Variants in HDAC1 observed in about 807,000 individuals in gnomAD.
HDAC1 encodes the protein protein deacetylase HDAC1.
A neutral mutation model predicts 65.5 loss-of-function variants in HDAC1; 18 were observed. The observed-to-expected ratio is 0.27, with a 90% CI of 0.19 to 0.41. The LOEUF (loss-of-function observed/expected upper bound fraction) is 0.41, where lower values mean the gene tolerates loss of function less well. HDAC1 is among the 10% of genes least tolerant of loss of function. HDAC1 has a pLI of 1.00. For missense variants in HDAC1, 373 were observed against 625.2 expected (o/e 0.60, Z 4.30); for synonymous variants, 211 against 227.9 (o/e 0.93, Z 0.67).
intron 4 of HDAC1, 120 bp downstream of exon 4, chr1:32,324,673 C>T (rs1157561969): frequency 2.7e-6 from 2 of 738,764 alleles, no homozygotes; most frequent in East Asian, 4.9e-5. Context: ...GTGGTTTTTA[C>T]TGAAGTCTCT....
rs1438635854 is a variant in HDAC1 at position 32,316,752 on chromosome 1, A to G, written c.250A>G (p.Met84Val). The change falls in exon 3 of 14, where the codon ATG becomes GTG. Residue 84 changes from methionine to valine, a missense_variant. Around this residue, in one of 4 missense-constraint regions of HDAC1, gnomAD observed 80 missense variants for 126.3 expected, o/e 0.63. Transcript: ENST00000373548. ...CTTGCGCTCCATCCGTCCAGATAAC[A>G]TGTCGGAGTACAGCAAGCAGATGCA... ...KFLRSIRPDN[M>V]SEYSKQMQRF... 6.2e-7 allele frequency: 1 copy of G among 1,611,980 alleles called. No individual in the cohort carries two copies. Among genetic ancestry groups the G allele is most frequent in the Non-Finnish European group, 8.5e-7 (1 of 1,178,166 alleles).
rs200582785 is a variant in HDAC1 at position 32,332,130 on chromosome 1, C to A, written c.1260C>A (p.Phe420Leu). 2.8e-5 allele frequency: 45 copies of A among 1,611,688 alleles called. No individual in the cohort carries two copies. The highest frequency in any genetic ancestry group is 3.5e-5 in the Non-Finnish European group (41 of 1,178,916). ...AACGAATTGCCTGTGAGGAAGAGTT[C>A]TCCGATTCTGAAGAGGAGGGAGAGG... The part of the protein sequence containing the change: ...SDKRIACEEE[F>L]SDSEEEGEGG... The change falls in exon 12 of 14, where the codon TTC becomes TTA. Residue 420 changes from phenylalanine (F) to leucine (L), a missense_variant. Phe to Leu is a conservative substitution (Grantham distance 22). This residue lies in a region of HDAC1 where 126 missense variants were observed against 126.2 expected (regional missense o/e 1.00). Coordinates refer to ENST00000373548, the MANE Select transcript of HDAC1 (RefSeq NM_004964.3).
At chr1:32,321,550 C>T (rs565805197) in intron 3 of HDAC1, among the ~76,000 whole-genome samples, 8 of 152,168 alleles carry the variant, frequency 5.3e-5, no homozygotes, top group African/African-American at 1.7e-4. Context: ...ATGAGAAAAG[C>T]GTTTATAGCA....
chr1:32,332,855 G>A (rs1345050801), intron 13 of HDAC1, 106 bp downstream of exon 13: 3 of 1,233,558 alleles, frequency 2.4e-6, no homozygotes, highest in East Asian at 5.1e-5. Context: ...AGCTTACAAA[G>A]GCCTCTTTCA....
intron 1 of HDAC1, 80 bp from the exon 2 acceptor site, chr1:32,302,541 G>A: frequency 5.6e-6 from 4 of 720,098 alleles, no homozygotes; most frequent in Admixed American, 3.8e-5. Flanking sequence ...TTGACTGGGA[G>A]TTCGCTGTAA....
chr1:32,302,364 A>G (rs1640859386), intron 1 of HDAC1, among the ~76,000 whole-genome samples: 1 of 151,472 alleles, frequency 6.6e-6, no homozygotes, highest in Non-Finnish European at 1.5e-5. Flanking sequence ...TTTGGAATGA[A>G]CCCCTCTTGC....
chr1:32,320,949 GAC>G (rs1341320823), intron 3 of HDAC1, among the ~76,000 whole-genome samples: 1 of 118,814 alleles, frequency 8.4e-6, no homozygotes, highest in African/African-American at 3.1e-5. Context: ...ACATATTTTA[GAC>G]ACACACAAAA....
At chr1:32,332,306 T>G in intron 12 of HDAC1, 64 bp downstream of exon 12, 1 of 1,479,868 alleles carries the variant, frequency 6.8e-7, no homozygotes, top group South Asian at 1.3e-5. Context: ...TGTAGGGCAG[T>G]GGGAGGAGGG....
chr1:32,299,910 T>G (rs1640822955), intron 1 of HDAC1, among the ~76,000 whole-genome samples: 1 of 152,054 alleles, frequency 6.6e-6, no homozygotes, highest in South Asian at 2.1e-4. Flanking sequence ...CAAAAAAAAT[T>G]AGCCGGGCTT....
rs140793719 is a variant in HDAC1, at chr1:32,293,536, G to C, written c.49+1318G>C. On this transcript the variant is annotated intron_variant, in intron 1 of 13. Transcript: ENST00000373548. Reference sequence around the variant, plus strand: ...TAATCCCAGTACTTTGGGAGGCTGAGGCAGGCAGATCACTCGGGGCCAGGA... The same window carrying C: ...TAATCCCAGTACTTTGGGAGGCTGACGCAGGCAGATCACTCGGGGCCAGGA... 5.3e-3 allele frequency among the ~76,000 whole-genome samples: 810 copies of C among 152,068 alleles called. 2 individuals carry two copies. The highest frequency in any genetic ancestry group is 9.3e-3 in the Non-Finnish European group (631 of 67,990).
chr1:32,298,501 C>CCACTAG (rs1238702864), intron 1 of HDAC1, among the ~76,000 whole-genome samples: 5 of 152,078 alleles, frequency 3.3e-5, no homozygotes, highest in African/African-American at 9.7e-5. Context: ...CAGGCGTGAG[C>CCACTAG]CACTAGGCCC....
At chr1:32,317,201 TATTA>T (rs1404858133) in intron 3 of HDAC1, among the ~76,000 whole-genome samples, 3 of 152,118 alleles carry the variant, frequency 2.0e-5, no homozygotes, top group East Asian at 1.9e-4. Flanking sequence ...ACTTAGTGGG[TATTA>T]ATTGAGAATT....
At chr1:32,324,591 G>A (rs771701914) in intron 4 of HDAC1, 38 bp downstream of exon 4, 1 of 1,385,744 alleles carries the variant, frequency 7.2e-7, no homozygotes, top group Non-Finnish European at 1.0e-6. Flanking sequence ...GGTAGACTGG[G>A]TTGTTCTAGT....
chr1:32,333,166 C>A lies in HDAC1; in HGVS notation c.*122C>A. 1 of 851,006 alleles carries A rather than the reference C, an allele frequency of 1.2e-6. No homozygotes were observed. The highest frequency in any genetic ancestry group is 1.8e-6 in the Non-Finnish European group (1 of 565,472). The allele number at this position is 851,006 out of a possible 1,614,324, so 52.7% of individuals were successfully genotyped here. A position where few individuals can be genotyped will look rare whatever the true frequency, so the allele number is the denominator to read the frequency against. On this transcript the variant is annotated 3_prime_UTR_variant, in exon 14 of 14. Transcript: ENST00000373548. ...AAAATTTATTAAATATAAATATCCC[C>A]AGGGACAGAAACCAAGGCCCCGAGC...
intron 2 of HDAC1, 46 bp downstream of exon 2, chr1:32,302,779 G>T: frequency 1.2e-6 from 1 of 851,654 alleles, no homozygotes; most frequent in Non-Finnish European, 2.1e-6. Flanking sequence ...ATCTGCTCTG[G>T]TTCCCCATAT....
At position 32,314,781 on chromosome 1, in the gene HDAC1, G is replaced by C. The variant is rs960180682; in HGVS notation, c.163-1884G>C. Among the ~76,000 whole-genome samples, 11 of 148,504 alleles carry C rather than the reference G, an allele frequency of 7.4e-5. No individual in the cohort carries two copies. The East Asian group carries it at 2.2e-3, about 30-fold the overall frequency. On this transcript the variant is annotated intron_variant, in intron 2 of 13. Coordinates refer to ENST00000373548, the MANE Select transcript of HDAC1 (RefSeq NM_004964.3). ...ACAGAGCTTGCAGTGAGCCGAGATC[G>C]CGCCACTGCACTCCAGCCTGGGCGA...
At position 32,292,110 on chromosome 1, in the gene HDAC1, C is replaced by T. The variant is rs1236947386; in HGVS notation, c.-60C>T. ...CCTCCCCCCTGGGTCGGACGCTGAGCGGAGCCGCGGGCGGGAGGGCGGACG... is the reference window on the plus strand; with the variant it reads ...CCTCCCCCCTGGGTCGGACGCTGAGTGGAGCCGCGGGCGGGAGGGCGGACG... On this transcript the variant is annotated 5_prime_UTR_variant, in exon 1 of 14. Coordinates refer to ENST00000373548, the MANE Select transcript of HDAC1 (RefSeq NM_004964.3). 5.3e-6 allele frequency: 8 copies of T among 1,515,012 alleles called. No individual in the cohort carries two copies. Among genetic ancestry groups the T allele is most frequent in the South Asian group, 2.4e-5 (2 of 83,278 alleles). 93.8% of individuals were successfully genotyped at this position (1,515,012 alleles called of 1,614,324 possible). A position where few individuals can be genotyped will look rare whatever the true frequency, so the allele number is the denominator to read the frequency against.
At chr1:32,305,666 A>C (rs1043033635) in intron 2 of HDAC1, among the ~76,000 whole-genome samples, 25 of 139,866 alleles carry the variant, frequency 1.8e-4, no homozygotes, top group Admixed American at 8.6e-4. Flanking sequence ...GCTGCAGTGC[A>C]CTGGTGCGAT....
At chr1:32,306,971 C>T (rs572457084) in intron 2 of HDAC1, among the ~76,000 whole-genome samples, 2 of 152,086 alleles carry the variant, frequency 1.3e-5, no homozygotes, top group African/African-American at 4.8e-5. Context: ...CCTGGCCGGG[C>T]GTGGTGGCTC....
Sources: gnomAD v4.1 joint callset for allele counts (sites outside exome capture counted in the v4.1 genomes callset) on GRCh38, gnomAD v4.1.1 for gene constraint, gnomAD v4.1.1 regional missense constraint, MANE v1.5 for transcripts, NCBI Gene and HGNC (gene_info 2026-07-23, HGNC 2026-07-21) for gene names.